The following ABCC1 variants were observed in gnomAD, a reference collection of about 807,000 sequenced individuals.
The protein encoded by ABCC1 is ATP binding cassette subfamily C member 1 (ABCC1 blood group).
In ABCC1, 83 loss-of-function variants were observed where a neutral mutation model predicts 172.9. That is an observed-to-expected ratio of 0.48 (90% CI 0.40 to 0.58). The LOEUF (loss-of-function observed/expected upper bound fraction) is 0.58. Among genes scored for constraint, ABCC1 ranks in the 20% least tolerant of loss-of-function variants. ABCC1 has a pLI of 0.00. For missense variants in ABCC1, 1,817 were observed against 2,002.7 expected, an observed-to-expected ratio of 0.91 and a Z score of 1.77; for synonymous variants, 937 against 825.2, an observed-to-expected ratio of 1.14 and a Z score of -2.32.
At chr16:15,985,148 A>T (rs2151604175) in intron 1 of ABCC1, among the ~76,000 whole-genome samples, 1 of 152,296 alleles carries the variant, frequency 6.6e-6, no homozygotes, top group East Asian at 1.9e-4. Flanking sequence ...TGAAATTTAA[A>T]AAATAAATTC....
Position 16,114,882 on chromosome 16 carries a change from C to T in ABCC1, c.3196C>T (p.Arg1066Trp), listed in dbSNP as rs199773531. ...GCGGTCACCCATGAGCTTCTTTGAG[C>T]GGACCCCCAGTGGGAACCTGGTGAA... Reference protein sequence around the residue: ...ILRSPMSFFERTPSGNLVNRF... With the variant: ...ILRSPMSFFEWTPSGNLVNRF... The change falls in exon 23 of 31, where the codon CGG (arginine) becomes TGG (tryptophan). Residue 1066 changes from arginine to tryptophan, a missense_variant. Physicochemically the swap from Arg to Trp is moderately radical, Grantham distance 101 (BLOSUM62 -3). Around this residue, in one of 3 missense-constraint regions of ABCC1, gnomAD observed 1,412 missense variants for 1,600.3 expected, o/e 0.88. Transcript: ENST00000399410. 1,673 of 1,613,672 alleles carry T rather than the reference C, an allele frequency of 1.0e-3. 5 individuals carry two copies. The highest frequency in any genetic ancestry group is 7.1e-3 in the Middle Eastern group (43 of 6,062).
At chr16:15,963,057 G>A (rs1265241366) in intron 1 of ABCC1, among the ~76,000 whole-genome samples, 2 of 152,228 alleles carry the variant, frequency 1.3e-5, no homozygotes, top group Admixed American at 1.3e-4. Flanking sequence ...TGGGGGTACA[G>A]GCATTGGATA....
chr16:15,973,375 C>T (rs2046411735), intron 1 of ABCC1, among the ~76,000 whole-genome samples: 1 of 152,098 alleles, frequency 6.6e-6, no homozygotes, highest in Non-Finnish European at 1.5e-5. Flanking sequence ...GGAGCGCACG[C>T]CTAGAGTCTA....
intron 1 of ABCC1, among the ~76,000 whole-genome samples, chr16:15,994,618 G>A (rs1567293509): frequency 6.6e-6 from 1 of 152,016 alleles, no homozygotes; most frequent in Admixed American, 6.6e-5. Context: ...GTGCGAACTA[G>A]CTTTCTTATT....
intron 1 of ABCC1, among the ~76,000 whole-genome samples, chr16:15,960,807 G>T (rs758730989): frequency 2.0e-5 from 3 of 152,034 alleles, no homozygotes; most frequent in Non-Finnish European, 2.9e-5. Flanking sequence ...TTAACTCAAA[G>T]GAACTGCAGA....
intron 1 of ABCC1, among the ~76,000 whole-genome samples, chr16:15,980,825 A>G (rs377203274): frequency 1.3e-5 from 2 of 152,164 alleles, no homozygotes; most frequent in African/African-American, 4.8e-5. Context: ...CATTAACCCA[A>G]AAGTCCAATT....
At chr16:16,064,563 G>T (rs552685788) in intron 12 of ABCC1, among the ~76,000 whole-genome samples, 1 of 152,196 alleles carries the variant, frequency 6.6e-6, no homozygotes, top group Admixed American at 6.5e-5. Flanking sequence ...GCCAGCAGCC[G>T]GCATCGATTG....
intron 12 of ABCC1, among the ~76,000 whole-genome samples, chr16:16,063,130 G>A (rs1045178796): frequency 1.5e-4 from 23 of 151,870 alleles, no homozygotes; most frequent in East Asian, 1.9e-4. Flanking sequence ...TTTTTGAGAC[G>A]GAGTCTCATT....
rs548998710 is a variant in ABCC1 at position 16,106,722 on chromosome 16, T to C, written c.2736-16T>C. 4 of 1,613,870 alleles carry C rather than the reference T, an allele frequency of 2.5e-6. No individual in the cohort carries two copies. In the East Asian group the frequency reaches 8.9e-5, roughly 36 times the overall value. On this transcript the variant is annotated splice_polypyrimidine_tract_variant and intron_variant, in intron 20 of 30. Coordinates refer to ENST00000399410, the MANE Select transcript of ABCC1 (RefSeq NM_004996.4). Reference sequence around the variant, plus strand: ...GGCATCTGTACGGTTGACACCCTTGTGCTTTGCTTCTCCAGACAGCTCAGC... The same window carrying C: ...GGCATCTGTACGGTTGACACCCTTGCGCTTTGCTTCTCCAGACAGCTCAGC...
chr16:16,092,730 C>A (rs2051305734), intron 19 of ABCC1, among the ~76,000 whole-genome samples: 1 of 152,200 alleles, frequency 6.6e-6, no homozygotes, highest in Non-Finnish European at 1.5e-5. Flanking sequence ...TGGTTTGTGC[C>A]TGTAATCCCA....
chr16:15,984,966 GGT>G (rs1444962452), intron 1 of ABCC1, among the ~76,000 whole-genome samples: 1 of 151,922 alleles, frequency 6.6e-6, no homozygotes, highest in East Asian at 2.0e-4. Flanking sequence ...GGCTGGGCGT[GGT>G]GGCATACACC....
At chr16:16,032,008 T>C (rs576115345) in intron 5 of ABCC1, among the ~76,000 whole-genome samples, 1 of 152,346 alleles carries the variant, frequency 6.6e-6, no homozygotes, top group South Asian at 2.1e-4. Context: ...TTTATTTTTA[T>C]TTTGAGACAC....
intron 17 of ABCC1, among the ~76,000 whole-genome samples, chr16:16,084,972 G>T (rs1290697582): frequency 6.6e-6 from 1 of 152,172 alleles, no homozygotes; most frequent in East Asian, 1.9e-4. Context: ...CATTTTACAC[G>T]TAATTCTTCC....
chr16:15,995,817 G>A (rs527358849), intron 1 of ABCC1, among the ~76,000 whole-genome samples: 4 of 151,684 alleles, frequency 2.6e-5, no homozygotes, highest in Admixed American at 6.6e-5. Flanking sequence ...AAAGGCAAAC[G>A]TCATCACATC....
intron 1 of ABCC1, among the ~76,000 whole-genome samples, chr16:15,997,281 C>T (rs1251400271): frequency 1.3e-5 from 2 of 152,036 alleles, no homozygotes; most frequent in African/African-American, 4.8e-5. Flanking sequence ...TTAGTAGAGA[C>T]GGGGTTTCAC....
Position 15,966,651 on chromosome 16 carries a change from CTT to C in ABCC1, c.48+16867_48+16868del, listed in dbSNP as rs34159339. Among the ~76,000 whole-genome samples, 45 of 138,580 alleles carry C rather than the reference CTT, an allele frequency of 3.2e-4. 1 individual carries two copies. The highest frequency in any genetic ancestry group is 6.6e-4 in the Admixed American group (9 of 13,652). 90.9% of individuals were successfully genotyped at this position (138,580 alleles called of 152,430 possible). A position where few individuals can be genotyped will look rare whatever the true frequency, so the allele number is the denominator to read the frequency against. On this transcript the variant is annotated intron_variant, in intron 1 of 30. Transcript: ENST00000399410. ...AATTGTAGTTTGCTTTTCTCTCTCT[CTT>C]TTTTTTTTTTTTTTAGAGACAGAGA...
intron 4 of ABCC1, 29 bp from the exon 5 acceptor site, chr16:16,016,467 T>C: frequency 6.2e-7 from 1 of 1,613,232 alleles, no homozygotes; most frequent in South Asian, 1.1e-5. Flanking sequence ...GAATGTGATC[T>C]TTTTCTTCCT....
rs755809929 is a variant in ABCC1, at chr16:16,083,458, T to TTACAG, written c.2209_2213dup (p.Arg738SerfsTer5). 1 of 1,613,944 alleles carries TTACAG rather than the reference T, an allele frequency of 6.2e-7. No homozygotes were observed. Among genetic ancestry groups the TTACAG allele is most frequent in the Non-Finnish European group, 8.5e-7 (1 of 1,180,038 alleles). On this transcript the variant is annotated frameshift_variant, in exon 17 of 31. Coordinates refer to ENST00000399410, the MANE Select transcript of ABCC1 (RefSeq NM_004996.4). LOFTEE classifies it high-confidence loss of function. The stretch of plus-strand genomic sequence containing the variant: ...TTGGATGTCAGCTGGAGGAACCATA[T>TTACAG]TACAGGTCCGTGATACAGGCCTGTG...
chr16:15,966,468 G>C (rs2046244902), intron 1 of ABCC1, among the ~76,000 whole-genome samples: 1 of 151,734 alleles, frequency 6.6e-6, no homozygotes, highest in Admixed American at 6.6e-5. Context: ...TGTAAGGCTG[G>C]AGACCCGTGG....
Sources: allele counts gnomAD v4.1 joint callset (sites outside exome capture counted in the v4.1 genomes callset), GRCh38; gene constraint gnomAD v4.1.1; regional missense constraint gnomAD v4.1.1; transcripts MANE v1.5; gene names NCBI Gene and HGNC (gene_info 2026-07-23, HGNC 2026-07-21).